Variants in NALCN observed in about 807,000 individuals in gnomAD.
NALCN encodes the protein sodium leak channel, non-selective, also known as sodium leak channel NALCN.
Under a neutral mutation model 225.3 loss-of-function variants are expected in NALCN, and 111 were observed. That is an observed-to-expected ratio of 0.49 (90% CI 0.42 to 0.58). The LOEUF is 0.58. Ranked by LOEUF, NALCN falls within the 20% of genes least tolerant of loss-of-function variation. The pLI is 0.00. For missense variants in NALCN, 1,378 were observed against 2,202.4 expected, an observed-to-expected ratio of 0.63 and a Z score of 7.49; for synonymous variants, 764 against 769.0, an observed-to-expected ratio of 0.99 and a Z score of 0.11.
chr13:101,301,943 T>C (rs577308503), intron 7 of NALCN, among the ~76,000 whole-genome samples: 2 of 152,312 alleles, frequency 1.3e-5, no homozygotes, highest in East Asian at 1.9e-4. Context: ...TAGAAGCTTT[T>C]CAATTGTCCT....
At chr13:101,170,015 T>C (rs562029067) in intron 15 of NALCN, among the ~76,000 whole-genome samples, 1 of 152,334 alleles carries the variant, frequency 6.6e-6, no homozygotes, top group African/African-American at 2.4e-5. Context: ...CTTCCAGCAG[T>C]ATCCCTGCCA....
intron 1 of NALCN, among the ~76,000 whole-genome samples, chr13:101,399,888 C>A (rs559002583): frequency 6.6e-6 from 1 of 152,304 alleles, no homozygotes; most frequent in Non-Finnish European, 1.5e-5. Flanking sequence ...CTGCCTTCCA[C>A]AACTCAGCAG....
chr13:101,267,636 G>A (rs188806964), intron 10 of NALCN, among the ~76,000 whole-genome samples: 59 of 152,314 alleles, frequency 3.9e-4, no homozygotes, highest in Middle Eastern at 3.4e-3. Flanking sequence ...CTAGCCTGTT[G>A]CATGGTGGCC....
chr13:101,323,580 T>C (rs1483042721), intron 7 of NALCN, among the ~76,000 whole-genome samples: 1 of 152,210 alleles, frequency 6.6e-6, no homozygotes, highest in African/African-American at 2.4e-5. Flanking sequence ...TTTTGAAAAT[T>C]ACCCTAATCC....
Position 101,292,251 on chromosome 13 carries a change from G to T in NALCN, c.915C>A (p.Leu305=), listed in dbSNP as rs367869895. Residue 305 remains leucine (L), a synonymous_variant, in exon 8 of 44, where the codon CTC becomes CTA. Coordinates refer to ENST00000251127, the MANE Select transcript of NALCN (RefSeq NM_052867.4). The surrounding 1 kb of genome is among the most constrained non-coding windows in gnomAD (Gnocchi z 4.3). ...TCACAAGCCAGGCGAGGAAGAAAAT[G>T]AGAGTGATGAAATAGAAGTAGGAAC... ...RWRSYFYFIT[L]IFFLAWLVKN... 9 of 1,613,950 alleles carry T rather than the reference G, an allele frequency of 5.6e-6. No homozygotes were observed. In the African/African-American group the frequency reaches 1.1e-4, roughly 19 times the overall value.
intron 13 of NALCN, among the ~76,000 whole-genome samples, chr13:101,216,011 G>A (rs111593645): frequency 2.4e-4 from 36 of 152,192 alleles, no homozygotes; most frequent in South Asian, 1.7e-3. Flanking sequence ...TACCAGTATC[G>A]AAGGGTAGGG....
rs765880431 is a variant in NALCN at position 101,377,016 on chromosome 13, C to T, written c.416G>A (p.Trp139Ter). The change falls in exon 5 of 44, where the codon TGG (tryptophan) becomes TAG (stop). Residue 139 changes from tryptophan to a stop codon, truncating the protein, a stop_gained. Coordinates refer to ENST00000251127, the MANE Select transcript of NALCN (RefSeq NM_052867.4). LOFTEE classifies it high-confidence loss of function. ...TGGCCGTGGAATCCGCAACATGCCC[C>T]AAGGTGACATCTGATCAACTATATC... ...IADIVDQMSP[W>*]GMLRIPRPLI... is the part of the protein sequence containing the mutation. 6.2e-7 allele frequency: 1 copy of T among 1,613,992 alleles called. No individual in the cohort carries two copies. The highest frequency in any genetic ancestry group is 8.5e-7 in the Non-Finnish European group (1 of 1,180,020).
chr13:101,189,748 A>C (rs1197618223), intron 14 of NALCN, among the ~76,000 whole-genome samples: 1 of 152,210 alleles, frequency 6.6e-6, no homozygotes, highest in Admixed American at 6.5e-5. Context: ...ATAAAAGAAC[A>C]AGTTATTTCA....
intron 9 of NALCN, among the ~76,000 whole-genome samples, chr13:101,289,525 C>CTTATATATATAT (rs2043468288): frequency 7.1e-6 from 1 of 140,858 alleles, no homozygotes; most frequent in Non-Finnish European, 1.5e-5. Context: ...TGAAAATGTG[C>CTTATATATATAT]ATATATATAT....
At chr13:101,289,169 T>C (rs546833197) in intron 9 of NALCN, among the ~76,000 whole-genome samples, 1 of 152,284 alleles carries the variant, frequency 6.6e-6, no homozygotes, top group Admixed American at 6.5e-5. Flanking sequence ...CACAAGGCAA[T>C]AGTTACCCAC....
At chr13:101,312,652 T>G (rs2044389853) in intron 7 of NALCN, among the ~76,000 whole-genome samples, 1 of 152,204 alleles carries the variant, frequency 6.6e-6, no homozygotes, top group Non-Finnish European at 1.5e-5. Context: ...TTGTTCAGTT[T>G]CCATGTAGTT....
chr13:101,256,608 A>G (rs950856265), intron 11 of NALCN, among the ~76,000 whole-genome samples: 1 of 152,026 alleles, frequency 6.6e-6, no homozygotes, highest in African/African-American at 2.4e-5. Context: ...TTCTTTGCCA[A>G]CTTCCCACTT....
At chr13:101,101,304 G>A (rs1190978279) in intron 26 of NALCN, among the ~76,000 whole-genome samples, 2 of 97,552 alleles carry the variant, frequency 2.1e-5, no homozygotes, top group Non-Finnish European at 3.8e-5. Flanking sequence ...TTTTTGAGAT[G>A]GAGTGCCACT....
chr13:101,320,676 G>A (rs780871838), intron 7 of NALCN, among the ~76,000 whole-genome samples: 20 of 152,072 alleles, frequency 1.3e-4, no homozygotes, highest in Non-Finnish European at 2.6e-4. Flanking sequence ...CAGGTTCTTG[G>A]AATATGTCTC....
chr13:101,074,957 A>AT (rs1260380349), intron 35 of NALCN, among the ~76,000 whole-genome samples: 1 of 152,110 alleles, frequency 6.6e-6, no homozygotes, highest in East Asian at 1.9e-4. Flanking sequence ...AACACTAAGC[A>AT]TTTTCACCTT....
intron 15 of NALCN, among the ~76,000 whole-genome samples, chr13:101,145,624 G>A (rs1248826671): frequency 3.9e-5 from 6 of 152,128 alleles, no homozygotes; most frequent in African/African-American, 1.4e-4. Context: ...CTACAAAGGT[G>A]GACTGTGGCT....
At chr13:101,254,584 C>T (rs991743074) in intron 11 of NALCN, among the ~76,000 whole-genome samples, 4 of 151,552 alleles carry the variant, frequency 2.6e-5, no homozygotes, top group East Asian at 2.0e-4. Context: ...ACTGATTTGC[C>T]GCTTTGTTAA....
intron 22 of NALCN, 148 bp downstream of exon 22, chr13:101,107,339 T>C (rs546923939): frequency 7.4e-7 from 1 of 1,359,050 alleles, no homozygotes; most frequent in East Asian, 2.4e-5. Flanking sequence ...TGGTCGGGTG[T>C]TCAGCAAAGA....
chr13:101,313,559 A>C (rs1469162646), intron 7 of NALCN, among the ~76,000 whole-genome samples: 12 of 152,104 alleles, frequency 7.9e-5, no homozygotes, highest in Non-Finnish European at 1.5e-4. Flanking sequence ...GCAGCCAAAA[A>C]ACACATGAAA....
Sources: allele counts gnomAD v4.1 joint callset (sites outside exome capture counted in the v4.1 genomes callset), GRCh38; gene constraint gnomAD v4.1.1; non-coding constraint Gnocchi (gnomAD v3.1); transcripts MANE v1.5; gene names NCBI Gene and HGNC (gene_info 2026-07-23, HGNC 2026-07-21).